IFNL3: variants seen among roughly 807,000 people sequenced by gnomAD.
IFNL3 encodes the protein interferon lambda 3.
Under a neutral mutation model 16.3 loss-of-function variants are expected in IFNL3, and 16 were observed. The ratio of observed to expected loss-of-function variants is 0.98; its 90% CI spans 0.67 to 1.50. The LOEUF (loss-of-function observed/expected upper bound fraction) is 1.50. IFNL3 is among the 40% of genes most tolerant of loss of function. The pLI is 0.00. For missense variants in IFNL3, 254 were observed against 253.5 expected, an observed-to-expected ratio of 1.00 and a Z score of -0.01; for synonymous variants, 115 against 115.3, an observed-to-expected ratio of 1.00 and a Z score of 0.02.
chr19:39,244,714 G>A (rs1444900668), intron 1 of IFNL3, 74 bp downstream of exon 1: 4 of 1,547,348 alleles, frequency 2.6e-6, no homozygotes, highest in Non-Finnish European at 3.5e-6. Context: ...AGGAAGCTGG[G>A]AGTGGGAAAG....
intron 1 of IFNL3, 52 bp downstream of exon 1, chr19:39,244,736 T>A: frequency 6.3e-7 from 1 of 1,586,150 alleles, no homozygotes; most frequent in Admixed American, 1.7e-5. Context: ...ATGGTGACCC[T>A]TGGAGTGCGG....
Position 39,244,147 on chromosome 19 carries a change from C to T in IFNL3, c.269G>A (p.Arg90His), listed in dbSNP as rs144570763. 43 of 1,613,860 alleles carry T rather than the reference C, an allele frequency of 2.7e-5. No individual in the cohort carries two copies. Among genetic ancestry groups the T allele is most frequent in the African/African-American group, 2.1e-4 (16 of 74,880 alleles). The change falls in exon 3 of 5, where the codon CGC becomes CAC. Residue 90 changes from arginine to histidine, a missense_variant. Arg to His is a conservative substitution (Grantham distance 29). Transcript: ENST00000413851. ...WDLRQLQVRE[R>H]PVALEAELAL... Reference sequence around the variant, plus strand: ...CAGCTCAGCCTCCAAAGCCACGGGGCGCTCCCTCACCTGAGGAGAGGTGAG... The same window carrying T: ...CAGCTCAGCCTCCAAAGCCACGGGGTGCTCCCTCACCTGAGGAGAGGTGAG...
At position 39,244,455 on chromosome 19, in the gene IFNL3, G is replaced by A. The variant is rs202102885; in HGVS notation, c.220C>T (p.Arg74Cys). 122 of 1,611,428 alleles carry A rather than the reference G, an allele frequency of 7.6e-5. No individual in the cohort carries two copies. Among genetic ancestry groups the A allele is most frequent in the South Asian group, 1.5e-4 (14 of 90,792 alleles). Residue 74 changes from arginine to cysteine, a missense_variant, in exon 2 of 5, where the codon CGC becomes TGC. Coordinates refer to ENST00000413851, the MANE Select transcript of IFNL3 (RefSeq NM_172139.4). ...AGGTCCCAGGTCCTGGGGAAGAGGC[G>A]GGAGCGGCACTTGCAGTCCTTCAGC... Reference protein sequence around the residue: ...LLLKDCKCRSRLFPRTWDLRQ... With the variant: ...LLLKDCKCRSCLFPRTWDLRQ...
chr19:39,244,035 G>C lies in IFNL3; in HGVS notation c.381C>G (p.His127Gln). Residue 127 changes from histidine to glutamine, a missense_variant, in exon 3 of 5, where the codon CAC becomes CAG. Coordinates refer to ENST00000413851, the MANE Select transcript of IFNL3 (RefSeq NM_172139.4). ...AGGCCCGGAGCTGGGAGAGGATATG[G>C]TGCAGGGTGTGAAGGGGCTGGTCCA... ...DVLDQPLHTL[H>Q]HILSQLRACI... The C allele has an allele frequency of 6.2e-7, 1 of 1,614,186 alleles. No individual in the cohort carries two copies.
chr19:39,244,553 A>C, intron 1 of IFNL3, 59 bp from the exon 2 acceptor site: 1 of 1,536,048 alleles, frequency 6.5e-7, no homozygotes, highest in Non-Finnish European at 8.9e-7. Flanking sequence ...GACCACTCTG[A>C]TGGGATTGGA....
Position 39,244,007 on chromosome 19 carries a change from C to T in IFNL3, c.408+1G>A, listed in dbSNP as rs1401456263. ...TGGGTGCCCGGGCCCTGACGACTCA[C>T]ACAGGCCCGGAGCTGGGAGAGGATA... On this transcript the variant is annotated splice_donor_variant, in intron 3 of 4. Coordinates refer to ENST00000413851, the MANE Select transcript of IFNL3 (RefSeq NM_172139.4). LOFTEE classifies it high-confidence loss of function. 1 of 1,613,486 alleles carries T rather than the reference C, an allele frequency of 6.2e-7. No homozygotes were observed. The highest frequency in any genetic ancestry group is 8.5e-7 in the Non-Finnish European group (1 of 1,179,614).
chr19:39,243,998 G>A lies in IFNL3; in HGVS notation c.408+10C>T, dbSNP rs762921249. 214 of 1,612,716 alleles carry A rather than the reference G, an allele frequency of 1.3e-4. 1 individual carries two copies. In the East Asian group the frequency reaches 2.2e-3, roughly 16 times the overall value. ...TCACAGACCTGGGTGCCCGGGCCCT[G>A]ACGACTCACACAGGCCCGGAGCTGG... is the stretch of plus-strand genomic sequence containing the variant. On this transcript the variant is annotated intron_variant, in intron 3 of 4. Coordinates refer to ENST00000413851, the MANE Select transcript of IFNL3 (RefSeq NM_172139.4).
chr19:39,243,929 G>T (rs1359623933), intron 3 of IFNL3, 22 bp from the exon 4 acceptor site: 1 of 1,612,058 alleles, frequency 6.2e-7, no homozygotes, highest in Non-Finnish European at 8.5e-7. Context: ...GGAGGGCGGT[G>T]TGTGAGCCGG....
intron 1 of IFNL3, 104 bp downstream of exon 1, chr19:39,244,684 G>A (rs2074935536): frequency 2.7e-6 from 4 of 1,458,838 alleles, no homozygotes; most frequent in Non-Finnish European, 3.7e-6. Context: ...CTGCAGGGAG[G>A]GTGGAGGCTA....
At chr19:39,244,709 G>T in intron 1 of IFNL3, 79 bp downstream of exon 1, 2 of 1,532,582 alleles carry the variant, frequency 1.3e-6, no homozygotes, top group South Asian at 2.5e-5. Flanking sequence ...AGTGAAGGAA[G>T]CTGGGAGTGG....
In IFNL3 at chr19:39,244,061, A is replaced by G. The variant is rs761551054; in HGVS notation, c.355T>C (p.Leu119=). 2.5e-6 allele frequency: 4 copies of G among 1,614,178 alleles called. No individual in the cohort carries two copies. The highest frequency in any genetic ancestry group is 3.4e-6 in the Non-Finnish European group (4 of 1,180,028). ...TGCAGGGTGTGAAGGGGCTGGTCCA[A>G]GACATCCCCCAGGGCTGGGTCAGTG... ...ADTDPALGDV[L]DQPLHTLHHI... The change falls in exon 3 of 5, where the codon TTG becomes CTG. Residue 119 remains leucine, a synonymous_variant. Transcript: ENST00000413851.
rs1325159142 is a variant in IFNL3 at position 39,244,059 on chromosome 19, C to T, written c.357G>A (p.Leu119=). 1 of 1,614,182 alleles carries T rather than the reference C, an allele frequency of 6.2e-7. No homozygotes were observed. Among genetic ancestry groups the T allele is most frequent in the East Asian group, 2.2e-5 (1 of 44,882 alleles). The change falls in exon 3 of 5, where the codon TTG becomes TTA. Residue 119 remains leucine, a synonymous_variant. Coordinates refer to ENST00000413851, the MANE Select transcript of IFNL3 (RefSeq NM_172139.4). The stretch of plus-strand genomic sequence containing the variant: ...GGTGCAGGGTGTGAAGGGGCTGGTC[C>T]AAGACATCCCCCAGGGCTGGGTCAG... ...ADTDPALGDV[L]DQPLHTLHHI...
chr19:39,243,873 C>T lies in IFNL3; in HGVS notation c.443G>A (p.Arg148Gln), dbSNP rs146276429. The change falls in exon 4 of 5, where the codon CGG becomes CAG. Residue 148 changes from arginine to glutamine, a missense_variant. Coordinates refer to ENST00000413851, the MANE Select transcript of IFNL3 (RefSeq NM_172139.4). Reference protein sequence around the residue: ...QPQPTAGPRTRGRLHHWLHRL... With the variant: ...QPQPTAGPRTQGRLHHWLHRL... ...GTGCAGCCAATGGTGGAGGCGGCCC[C>T]GGGTCCTGGGCCCTGCCGTGGGCTG... is the stretch of plus-strand genomic sequence containing the variant. 39 of 1,613,670 alleles carry T rather than the reference C, an allele frequency of 2.4e-5. No individual in the cohort carries two copies. The highest frequency in any genetic ancestry group is 9.3e-5 in the African/African-American group (7 of 74,930).
downstream of IFNL3, chr19:39,243,496 G>A (rs1051361315): frequency 9.4e-7 from 1 of 1,068,362 alleles, no homozygotes; most frequent in African/African-American, 1.6e-5. Context: ...ATTTCAAAAA[G>A]TAGAAAAATA....
Position 39,244,056 on chromosome 19 carries a change from G to A in IFNL3, c.360C>T (p.Asp120=), listed in dbSNP as rs913021269. Residue 120 remains aspartate (D), a synonymous_variant, in exon 3 of 5, where the codon GAC becomes GAT. Transcript: ENST00000413851. ...TATGGTGCAGGGTGTGAAGGGGCTG[G>A]TCCAAGACATCCCCCAGGGCTGGGT... The part of the protein sequence containing the change: ...DTDPALGDVL[D]QPLHTLHHIL... 3 of 1,614,082 alleles carry A rather than the reference G, an allele frequency of 1.9e-6. No homozygotes were observed. Among genetic ancestry groups the A allele is most frequent in the Non-Finnish European group, 2.5e-6 (3 of 1,180,036 alleles).
chr19:39,244,016 G>T lies in IFNL3; in HGVS notation c.400C>A (p.Arg134=), dbSNP rs139176035. 3.1e-6 allele frequency: 5 copies of T among 1,613,860 alleles called. No homozygotes were observed. The South Asian group carries it at 5.5e-5, about 18-fold the overall frequency. Residue 134 remains arginine, a synonymous_variant, in exon 3 of 5, where the codon CGG becomes AGG. Transcript: ENST00000413851. ...GGGCCCTGACGACTCACACAGGCCC[G>T]GAGCTGGGAGAGGATATGGTGCAGG... is the stretch of plus-strand genomic sequence containing the variant. ...HTLHHILSQL[R]ACIQPQPTAG...
rs749849966 is a variant in IFNL3, at chr19:39,243,881, G to A, written c.435C>T (p.Pro145=). Residue 145 remains proline (P), a synonymous_variant, in exon 4 of 5, where the codon CCC becomes CCT. Transcript: ENST00000413851. ...AATGGTGGAGGCGGCCCCGGGTCCT[G>A]GGCCCTGCCGTGGGCTGAGGCTGGA... The part of the protein sequence containing the change: ...ACIQPQPTAG[P]RTRGRLHHWL... 27 of 1,613,728 alleles carry A rather than the reference G, an allele frequency of 1.7e-5. No individual in the cohort carries two copies. The highest frequency in any genetic ancestry group is 1.7e-4 in the Middle Eastern group (1 of 5,910).
Position 39,244,147 on chromosome 19 carries a change from C to G in IFNL3, c.269G>C (p.Arg90Pro), listed in dbSNP as rs144570763. Residue 90 changes from arginine to proline, a missense_variant, in exon 3 of 5, where the codon CGC becomes CCC. Physicochemically the swap from Arg to Pro is moderately radical, Grantham distance 103. Coordinates refer to ENST00000413851, the MANE Select transcript of IFNL3 (RefSeq NM_172139.4). ...WDLRQLQVRERPVALEAELAL... is the reference protein window; with the variant it reads ...WDLRQLQVREPPVALEAELAL... The stretch of plus-strand genomic sequence containing the variant: ...CAGCTCAGCCTCCAAAGCCACGGGG[C>G]GCTCCCTCACCTGAGGAGAGGTGAG... 6.3e-5 allele frequency: 102 copies of G among 1,613,860 alleles called. No individual in the cohort carries two copies. In the African/African-American group the frequency reaches 1.1e-3, roughly 18 times the overall value.
chr19:39,244,124 G>A lies in IFNL3; in HGVS notation c.292C>T (p.Leu98=). Residue 98 remains leucine, a synonymous_variant, in exon 3 of 5, where the codon CTG becomes TTG. Transcript: ENST00000413851. ...TCCAGAACCTTCAGCGTCAGGGCCA[G>A]CTCAGCCTCCAAAGCCACGGGGCGC... ...RERPVALEAE[L]ALTLKVLEAT... 1 of 1,614,204 alleles carries A rather than the reference G, an allele frequency of 6.2e-7. No individual in the cohort carries two copies.
Sources: allele counts gnomAD v4.1 joint callset, GRCh38; gene constraint gnomAD v4.1.1; transcripts MANE v1.5; gene names NCBI Gene and HGNC (gene_info 2026-07-23, HGNC 2026-07-21).